NLGN1: variants seen among roughly 807,000 people sequenced by gnomAD.
The protein encoded by NLGN1 is neuroligin-1.
Under a neutral mutation model 65.5 loss-of-function variants are expected in NLGN1, and 12 were observed. The ratio of observed to expected loss-of-function variants is 0.18; its 90% CI spans 0.12 to 0.30. The LOEUF (loss-of-function observed/expected upper bound fraction) is 0.30, where lower values mean the gene tolerates loss of function less well. Among genes scored for constraint, NLGN1 ranks in the 10% least tolerant of loss-of-function variants. NLGN1 has a pLI of 1.00. For synonymous variants in NLGN1, 350 were observed against 359.5 expected (o/e 0.97, Z 0.30); for missense variants, 750 against 1,007.1 (o/e 0.74, Z 3.46).
At chr3:173,807,713 T>C (rs747775366) in exon 4 of NLGN1, 1 of 1,613,780 alleles carries the variant, frequency 6.2e-7, no homozygotes, top group Non-Finnish European at 8.5e-7. Flanking sequence ...AAACCAGTGA[T>C]GGTGTATATC....
chr3:173,789,208 GAA>G (rs929329060), intron 3 of NLGN1, among the ~76,000 whole-genome samples: 8 of 150,730 alleles, frequency 5.3e-5, no homozygotes, highest in Middle Eastern at 3.4e-3. Context: ...AAAAAAAAAA[GAA>G]AGAGAGAGAG....
At chr3:173,849,590 C>G (rs1726492043) in intron 4 of NLGN1, among the ~76,000 whole-genome samples, 1 of 152,158 alleles carries the variant, frequency 6.6e-6, no homozygotes, top group Non-Finnish European at 1.5e-5. Context: ...GTATGAGTAT[C>G]ATCCTATCTT....
chr3:173,476,418 TTATC>T (rs1485994225), intron 2 of NLGN1, among the ~76,000 whole-genome samples: 3 of 152,200 alleles, frequency 2.0e-5, no homozygotes, highest in Non-Finnish European at 4.4e-5. Context: ...ATAAATCTAT[TTATC>T]ATCTATTTTA....
At chr3:173,745,406 A>G (rs1043878551) in intron 3 of NLGN1, among the ~76,000 whole-genome samples, 1 of 152,086 alleles carries the variant, frequency 6.6e-6, no homozygotes, top group African/African-American at 2.4e-5. Flanking sequence ...GCATTAAGCA[A>G]TTTACTAATT....
intron 4 of NLGN1, among the ~76,000 whole-genome samples, chr3:174,115,617 G>A (rs1006034539): frequency 3.9e-5 from 6 of 152,134 alleles, no homozygotes; most frequent in South Asian, 4.1e-4. Context: ...GAAATAAAAG[G>A]TACAAATGAG....
chr3:173,573,265 A>G (rs993488912), intron 2 of NLGN1, among the ~76,000 whole-genome samples: 8 of 152,146 alleles, frequency 5.3e-5, no homozygotes, highest in Admixed American at 5.2e-4. Context: ...AGGAAAAATT[A>G]TATGTACCCT....
At chr3:174,124,462 C>A (rs1178503671) in intron 4 of NLGN1, among the ~76,000 whole-genome samples, 3 of 149,848 alleles carry the variant, frequency 2.0e-5, no homozygotes, top group Non-Finnish European at 3.0e-5. Flanking sequence ...TAAAATGAAA[C>A]AAATATATTA....
chr3:173,987,096 C>G (rs943033103), intron 4 of NLGN1, among the ~76,000 whole-genome samples: 2 of 152,128 alleles, frequency 1.3e-5, no homozygotes, highest in African/African-American at 4.8e-5. Context: ...GCAAAACTGC[C>G]TAGATTTTTA....
chr3:174,279,773 T>C lies in NLGN1; in HGVS notation c.1649+123T>C, dbSNP rs1751245687. The C allele has an allele frequency of 1.6e-6, 1 of 613,818 alleles. No homozygotes were observed. 38.0% of individuals were successfully genotyped at this position (613,818 alleles called of 1,614,324 possible). ...TAATACCTGCAAGATATTACATTCC[T>C]TTATTCAAAATTAATTCTATATTAT... is the stretch of plus-strand genomic sequence containing the variant. On this transcript the variant is annotated intron_variant, in intron 6 of 6. Coordinates refer to ENST00000457714, the Ensembl canonical transcript of NLGN1. The surrounding 1 kb of genome is among the most constrained non-coding windows in gnomAD (Gnocchi z 4.7).
chr3:174,274,415 T>G (rs1750124322), intron 4 of NLGN1, among the ~76,000 whole-genome samples: 1 of 151,874 alleles, frequency 6.6e-6, no homozygotes, highest in Non-Finnish European at 1.5e-5. Flanking sequence ...AAACAGTTAC[T>G]CAGATCTTAA....
intron 4 of NLGN1, among the ~76,000 whole-genome samples, chr3:174,032,207 TAGGATTCAGTAACAG>T (rs1730169529): frequency 6.6e-6 from 1 of 152,098 alleles, no homozygotes; most frequent in Admixed American, 6.6e-5. Context: ...TATGAAGACC[TAGGATTCAGTAACAG>T]AGAATTCAGC....
intron 2 of NLGN1, among the ~76,000 whole-genome samples, chr3:173,484,954 GT>G (rs1322888400): frequency 6.6e-6 from 1 of 151,586 alleles, no homozygotes; most frequent in African/African-American, 2.4e-5. Flanking sequence ...GTCAGTGACT[GT>G]TAGTCTATTT....
chr3:174,225,855 T>G (rs1739574274), intron 4 of NLGN1, among the ~76,000 whole-genome samples: 1 of 152,204 alleles, frequency 6.6e-6, no homozygotes, highest in Non-Finnish European at 1.5e-5. Flanking sequence ...GGTTTTGTTT[T>G]GGTTTTGCAT....
At chr3:173,687,306 C>T (rs1560170525) in intron 3 of NLGN1, among the ~76,000 whole-genome samples, 1 of 152,324 alleles carries the variant, frequency 6.6e-6, no homozygotes, top group African/African-American at 2.4e-5. Flanking sequence ...TCTACCCACA[C>T]ATGTGATTTT....
At chr3:173,800,759 A>AT (rs1313573425) in intron 3 of NLGN1, among the ~76,000 whole-genome samples, 1 of 151,848 alleles carries the variant, frequency 6.6e-6, no homozygotes, top group Non-Finnish European at 1.5e-5. Context: ...AATGTGCTTC[A>AT]TTTTTACATT....
At chr3:173,824,652 A>G (rs971044658) in intron 4 of NLGN1, among the ~76,000 whole-genome samples, 2 of 151,962 alleles carry the variant, frequency 1.3e-5, no homozygotes, top group Non-Finnish European at 2.9e-5. Context: ...TAAAAGTTAG[A>G]TTTCTTTTTT....
intron 4 of NLGN1, among the ~76,000 whole-genome samples, chr3:173,929,768 G>A (rs945243485): frequency 6.7e-6 from 1 of 149,672 alleles, no homozygotes; most frequent in Non-Finnish European, 1.5e-5. Flanking sequence ...GCAATGGCAC[G>A]ATCTTGGCTC....
chr3:174,229,591 T>G (rs1482650777), intron 4 of NLGN1, among the ~76,000 whole-genome samples: 9 of 152,178 alleles, frequency 5.9e-5, no homozygotes, highest in Admixed American at 5.9e-4. Context: ...CAAAATTTTC[T>G]TGCTAATGAA....
intron 2 of NLGN1, among the ~76,000 whole-genome samples, chr3:173,570,016 C>A (rs1344415928): frequency 2.6e-5 from 4 of 152,054 alleles, no homozygotes; most frequent in Non-Finnish European, 4.4e-5. Context: ...TCCCAAAGAA[C>A]AATTAATATA....
Sources: allele counts gnomAD v4.1 joint callset (sites outside exome capture counted in the v4.1 genomes callset), GRCh38; gene constraint gnomAD v4.1.1; non-coding constraint Gnocchi (gnomAD v3.1); transcripts MANE v1.5; gene names NCBI Gene and HGNC (gene_info 2026-07-23, HGNC 2026-07-21).